Variants in RHOT1 observed in about 807,000 individuals in gnomAD.
The protein encoded by RHOT1 is mitochondrial Rho GTPase 1.
RHOT1 carries 27 observed loss-of-function variants against 95.3 expected under a neutral mutation model. The ratio of observed to expected loss-of-function variants is 0.28; its 90% confidence interval spans 0.21 to 0.39. The LOEUF (loss-of-function observed/expected upper bound fraction) is 0.39. RHOT1 is among the 10% of genes least tolerant of loss of function. The pLI is 1.00. For missense variants in RHOT1, 578 were observed against 786.7 expected (o/e 0.73, Z 3.17); for synonymous variants, 227 against 263.5 (o/e 0.86, Z 1.34).
Position 32,152,592 on chromosome 17 carries a change from A to G in RHOT1, c.37+9863A>G, listed in dbSNP as rs560759355. 8.5e-5 allele frequency among the ~76,000 whole-genome samples: 11 copies of G among 130,102 alleles called. No homozygotes were observed. The South Asian group carries it at 2.6e-3, about 31-fold the overall frequency. The allele number at this position is 130,102 out of a possible 152,430, so 85.4% of individuals were successfully genotyped here. A position where few individuals can be genotyped will look rare whatever the true frequency, so the allele number is the denominator to read the frequency against. On this transcript the variant is annotated intron_variant, in intron 1 of 19. Coordinates refer to ENST00000545287, the MANE Select transcript of RHOT1 (RefSeq NM_001033566.3). The stretch of plus-strand genomic sequence containing the variant: ...AAAATAAACTTCCACTTCTGCTCTG[A>G]AAAAAAAAAGAGAGAGAGAGATGAG...
At chr17:32,198,754 G>A (rs562411673) in intron 11 of RHOT1, among the ~76,000 whole-genome samples, 193 bp from the exon 12 acceptor site, 44 of 152,156 alleles carry the variant, frequency 2.9e-4, no homozygotes, top group Non-Finnish European at 5.3e-4. Context: ...TTTGGAATGA[G>A]CATTATTATG....
chr17:32,224,635 C>T lies in RHOT1; in HGVS notation c.1882C>T (p.Leu628Phe). Residue 628 changes from leucine to phenylalanine, a missense_variant, in exon 20 of 20, where the codon CTC (leucine) becomes TTC (phenylalanine). Leu to Phe is a conservative substitution (Grantham distance 22). Coordinates refer to ENST00000545287, the MANE Select transcript of RHOT1 (RefSeq NM_001033566.3). ...VLNRHVTQAD[L>F]KSSTFWLRAS... ...CTGCAGGCACGTGACACAAGCTGAC[C>T]TCAAGAGCTCCACGTTTTGGCTTCG... is the stretch of plus-strand genomic sequence containing the variant. 1 of 1,613,074 alleles carries T rather than the reference C, an allele frequency of 6.2e-7. No homozygotes were observed. The highest frequency in any genetic ancestry group is 8.5e-7 in the Non-Finnish European group (1 of 1,179,430).
intron 1 of RHOT1, among the ~76,000 whole-genome samples, chr17:32,153,764 A>T (rs960792823): frequency 2.0e-5 from 3 of 152,248 alleles, no homozygotes; most frequent in Non-Finnish European, 4.4e-5. Context: ...CTCCAGGAAA[A>T]GCAGACATCT....
intron 1 of RHOT1, among the ~76,000 whole-genome samples, chr17:32,155,638 G>A (rs545683966): frequency 2.0e-5 from 3 of 151,650 alleles, no homozygotes; most frequent in Non-Finnish European, 4.4e-5. Flanking sequence ...GACTTCCCAG[G>A]CTCCAGGGAT....
At chr17:32,207,981 G>T in intron 17 of RHOT1, 126 bp from the exon 18 acceptor site, 2 of 739,814 alleles carry the variant, frequency 2.7e-6, no homozygotes, top group East Asian at 5.4e-5. Context: ...TTTGCCTTTT[G>T]GTTCACTTTT....
At chr17:32,173,091 T>C (rs575291197) in intron 2 of RHOT1, 1 of 152,354 alleles carries the variant, frequency 6.6e-6, no homozygotes, top group African/African-American at 2.4e-5. Flanking sequence ...ATCCTTAATG[T>C]ATTGTGTCTA....
chr17:32,178,253 G>T (rs1380456916), intron 6 of RHOT1, among the ~76,000 whole-genome samples: 1 of 143,040 alleles, frequency 7.0e-6, no homozygotes, highest in East Asian at 2.1e-4. Flanking sequence ...CTGTACTGCC[G>T]TGATCTCGGC....
intron 8 of RHOT1, among the ~76,000 whole-genome samples, chr17:32,188,022 C>T (rs1567696262): frequency 6.6e-6 from 1 of 152,178 alleles, no homozygotes; most frequent in Non-Finnish European, 1.5e-5. Flanking sequence ...TTGTGTGCTG[C>T]AAAGGCAAAG....
chr17:32,181,088 A>C lies in RHOT1; in HGVS notation c.330-1669A>C, dbSNP rs2035598565. ...TCTTTTCAAGCATAATGGCACACCA[A>C]GGGTTAGGTAAGCTAAATGCTTTCA... On this transcript the variant is annotated intron_variant, in intron 6 of 19. Coordinates refer to ENST00000545287, the MANE Select transcript of RHOT1 (RefSeq NM_001033566.3). Among the ~76,000 whole-genome samples the C allele has an allele frequency of 2.6e-5, 4 of 152,194 alleles. No individual in the cohort carries two copies. The South Asian group carries it at 8.3e-4, about 31-fold the overall frequency.
intron 19 of RHOT1, among the ~76,000 whole-genome samples, chr17:32,222,107 T>TAAA (rs1331584848): frequency 6.6e-6 from 1 of 152,164 alleles, no homozygotes; most frequent in African/African-American, 2.4e-5. Context: ...AAAAATAAGA[T>TAAA]AAAAAATCTC....
chr17:32,173,729 G>GA, intron 2 of RHOT1, 102 bp from the exon 3 acceptor site: 1 of 752,782 alleles, frequency 1.3e-6, no homozygotes. Context: ...AAAAAGAAAA[G>GA]AAACACTCAA....
rs781111242 is a variant in RHOT1, at chr17:32,201,019, A to G, written c.1164A>G (p.Ile388Met). The change falls in exon 14 of 20, where the codon ATA (isoleucine) becomes ATG (methionine). Residue 388 changes from isoleucine (I) to methionine (M), a missense_variant. This residue lies in a region of RHOT1 where 296 missense variants were observed against 338.5 expected (regional missense o/e 0.87). Coordinates refer to ENST00000545287, the MANE Select transcript of RHOT1 (RefSeq NM_001033566.3). ...LEYLGYLGYSILTEQESQASA... is the reference protein window; with the variant it reads ...LEYLGYLGYSMLTEQESQASA... ...ATTTGGGCTATCTAGGCTATTCAAT[A>G]TTGACTGAGCAAGAGTCTCAAGCTT... 5.0e-6 allele frequency: 8 copies of G among 1,611,776 alleles called. No individual in the cohort carries two copies. The South Asian group carries it at 8.8e-5, about 18-fold the overall frequency.
At chr17:32,152,076 C>A (rs2032376183) in intron 1 of RHOT1, among the ~76,000 whole-genome samples, 1 of 152,262 alleles carries the variant, frequency 6.6e-6, no homozygotes, top group African/African-American at 2.4e-5. Context: ...TTTTTAAAAT[C>A]ACACTTTAAA....
chr17:32,217,831 ACTTT>A (rs1198945795), intron 19 of RHOT1, among the ~76,000 whole-genome samples: 1 of 150,984 alleles, frequency 6.6e-6, no homozygotes, highest in Non-Finnish European at 1.5e-5. Flanking sequence ...AGTCCAGAAG[ACTTT>A]TTTTAATTTT....
chr17:32,180,654 G>GA (rs35775998), intron 6 of RHOT1, among the ~76,000 whole-genome samples: 1,193 of 26,644 alleles, frequency 0.045, 23 homozygotes, highest in African/African-American at 0.094. Flanking sequence ...AAAAGTACAA[G>GA]AAAAAAAAAA....
intron 6 of RHOT1, chr17:32,180,052 ATCG>A (rs1398359816): frequency 6.6e-4 from 63 of 95,788 alleles, no homozygotes; most frequent in African/African-American, 2.4e-3. Flanking sequence ...CCAGCCACCC[ATCG>A]TCTGGGATGT....
At chr17:32,182,328 T>TAAAA (rs1567688697) in intron 6 of RHOT1, among the ~76,000 whole-genome samples, 2 of 146,146 alleles carry the variant, frequency 1.4e-5, no homozygotes, top group African/African-American at 5.1e-5. Flanking sequence ...AAAAAAAATT[T>TAAAA]TTTTTTAATT....
chr17:32,164,000 C>G (rs975627057), intron 1 of RHOT1, among the ~76,000 whole-genome samples: 1 of 151,708 alleles, frequency 6.6e-6, no homozygotes, highest in Admixed American at 6.6e-5. Flanking sequence ...AATAAAAATA[C>G]AAAAATTAGC....
At chr17:32,197,001 T>G (rs2036937748) in intron 11 of RHOT1, among the ~76,000 whole-genome samples, 1 of 151,508 alleles carries the variant, frequency 6.6e-6, no homozygotes, top group Non-Finnish European at 1.5e-5. Flanking sequence ...CGGGCACCTG[T>G]AATCCCAGCT....
Sources: allele counts gnomAD v4.1 joint callset (sites outside exome capture counted in the v4.1 genomes callset), GRCh38; gene constraint gnomAD v4.1.1; regional missense constraint gnomAD v4.1.1; transcripts MANE v1.5; gene names NCBI Gene and HGNC (gene_info 2026-07-23, HGNC 2026-07-21).